The following DTNBP1 variants were observed in gnomAD, a reference collection of about 807,000 sequenced individuals.
The protein encoded by DTNBP1 is dystrobrevin binding protein 1.
In DTNBP1, 35 loss-of-function variants were observed where a neutral mutation model predicts 42.8. The observed-to-expected ratio is 0.82, with a 90% CI of 0.63 to 1.09. DTNBP1 has a LOEUF of 1.09. Among genes scored for constraint, DTNBP1 ranks in the 50% least tolerant of loss-of-function variants. The probability of loss-of-function intolerance (pLI) is 0.00; values close to 1 mark genes in which losing one functional copy is unlikely to be tolerated. For synonymous variants in DTNBP1, 171 were observed against 162.2 expected (o/e 1.05, Z -0.41); for missense variants, 457 against 424.2 (o/e 1.08, Z -0.68).
chr6:15,599,488 A>AG (rs1345110807), intron 6 of DTNBP1, among the ~76,000 whole-genome samples: 6 of 152,312 alleles, frequency 3.9e-5, no homozygotes, highest in African/African-American at 1.4e-4. Flanking sequence ...TAGCCCTAAC[A>AG]GAAAGTTACT....
chr6:15,632,754 G>C (rs1222295361), intron 4 of DTNBP1, among the ~76,000 whole-genome samples: 1 of 152,120 alleles, frequency 6.6e-6, no homozygotes, highest in Non-Finnish European at 1.5e-5. Flanking sequence ...TAATACTTAA[G>C]AGTCAATTGC....
At chr6:15,547,673 A>C (rs751831455) in intron 7 of DTNBP1, among the ~76,000 whole-genome samples, 2 of 152,330 alleles carry the variant, frequency 1.3e-5, no homozygotes, top group Middle Eastern at 3.4e-3. Flanking sequence ...ATAACGGATA[A>C]GCCCCTTAAG....
chr6:15,554,492 A>G (rs534897700), intron 7 of DTNBP1, among the ~76,000 whole-genome samples: 3 of 152,334 alleles, frequency 2.0e-5, no homozygotes, highest in African/African-American at 7.2e-5. Flanking sequence ...AGGTTCATAA[A>G]TCTGGAAAGA....
At chr6:15,642,805 G>GA (rs1180521506) in intron 3 of DTNBP1, among the ~76,000 whole-genome samples, 1 of 151,632 alleles carries the variant, frequency 6.6e-6, no homozygotes, top group Non-Finnish European at 1.5e-5. Flanking sequence ...TACCCTTAAG[G>GA]AAAAAAAAGT....
At chr6:15,630,732 A>G (rs1759647389) in intron 4 of DTNBP1, among the ~76,000 whole-genome samples, 2 of 152,192 alleles carry the variant, frequency 1.3e-5, no homozygotes, top group Non-Finnish European at 2.9e-5. Flanking sequence ...CCTGGCCAAC[A>G]TGGTGAAACT....
intron 9 of DTNBP1, chr6:15,523,459 G>T: frequency 7.7e-7 from 1 of 1,296,880 alleles, no homozygotes; most frequent in Non-Finnish European, 1.0e-6. Context: ...ATGTGACACA[G>T]ATCAAGTGCT....
At chr6:15,635,180 A>G (rs1042620819) in intron 4 of DTNBP1, among the ~76,000 whole-genome samples, 1 of 151,988 alleles carries the variant, frequency 6.6e-6, no homozygotes, top group African/African-American at 2.4e-5. Context: ...GTGCAGTGGC[A>G]TGATCTCGGC....
intron 7 of DTNBP1, among the ~76,000 whole-genome samples, chr6:15,542,520 C>T (rs774181074): frequency 2.6e-5 from 4 of 151,896 alleles, no homozygotes; most frequent in South Asian, 2.1e-4. Flanking sequence ...TACAGGCACA[C>T]GCCACCACAC....
chr6:15,630,291 A>G (rs1411128734), intron 4 of DTNBP1, among the ~76,000 whole-genome samples: 7 of 152,176 alleles, frequency 4.6e-5, no homozygotes, highest in Non-Finnish European at 8.8e-5. Context: ...TAGATGAGAA[A>G]ACTAAGAGAG....
At chr6:15,553,659 G>T (rs989021808) in intron 7 of DTNBP1, among the ~76,000 whole-genome samples, 1 of 111,976 alleles carries the variant, frequency 8.9e-6, no homozygotes, top group Non-Finnish European at 1.7e-5. Flanking sequence ...GCCTATGTAG[G>T]TTCCTTAGAA....
chr6:15,543,459 A>C (rs898752889), intron 7 of DTNBP1, among the ~76,000 whole-genome samples: 3 of 152,188 alleles, frequency 2.0e-5, no homozygotes, highest in Admixed American at 6.5e-5. Flanking sequence ...GCCTTGTGTA[A>C]GCACTACATC....
chr6:15,580,567 G>GA (rs1775783686), intron 7 of DTNBP1, among the ~76,000 whole-genome samples: 1 of 152,108 alleles, frequency 6.6e-6, no homozygotes, highest in Admixed American at 6.6e-5. Context: ...TTCATAAGGG[G>GA]AAAAAACAGG....
At chr6:15,616,506 C>T (rs868208776) in intron 5 of DTNBP1, among the ~76,000 whole-genome samples, 42 of 152,320 alleles carry the variant, frequency 2.8e-4, no homozygotes, top group Admixed American at 9.2e-4. Flanking sequence ...AGGGAAAGCT[C>T]AGCCAGAAAT....
chr6:15,563,092 T>C (rs1774914620), intron 7 of DTNBP1, among the ~76,000 whole-genome samples: 1 of 152,230 alleles, frequency 6.6e-6, no homozygotes, highest in Non-Finnish European at 1.5e-5. Context: ...CTCTTCAGAC[T>C]GGCCATATCC....
At chr6:15,544,970 T>G (rs1178550753) in intron 7 of DTNBP1, among the ~76,000 whole-genome samples, 1 of 152,232 alleles carries the variant, frequency 6.6e-6, no homozygotes, top group East Asian at 1.9e-4. Flanking sequence ...GTTCAGAAAC[T>G]GAGGACTTGT....
intron 6 of DTNBP1, among the ~76,000 whole-genome samples, chr6:15,595,861 A>T (rs143179314): frequency 6.6e-6 from 1 of 152,362 alleles, no homozygotes; most frequent in Non-Finnish European, 1.5e-5. Context: ...CTGAATGAAG[A>T]GAAAGTAATT....
intron 6 of DTNBP1, among the ~76,000 whole-genome samples, chr6:15,613,349 C>G (rs1454420163): frequency 9.0e-6 from 1 of 111,228 alleles, no homozygotes; most frequent in East Asian, 2.9e-4. Context: ...TTTTTTGACA[C>G]GGACCCCATT....
Position 15,546,910 on chromosome 6 carries a change from T to TTTTC in DTNBP1, c.512-13519_512-13516dup, listed in dbSNP as rs951330218. 1.8e-3 allele frequency among the ~76,000 whole-genome samples: 254 copies of TTTTC among 145,034 alleles called. 2 individuals are homozygous for TTTTC. The Middle Eastern group carries it at 0.024, about 14-fold the overall frequency. ...TAAAATGCCGCATGAAATAGCAGCT[T>TTTTC]TTTCTTTCTTTCTTTCTTTTTTTTT... On this transcript the variant is annotated intron_variant, in intron 7 of 9. Transcript: ENST00000344537.
At chr6:15,600,850 TGAGAA>T (rs1310650834) in intron 6 of DTNBP1, among the ~76,000 whole-genome samples, 2 of 152,326 alleles carry the variant, frequency 1.3e-5, no homozygotes, top group African/African-American at 4.8e-5. Context: ...ATGGTGCTGT[TGAGAA>T]GTCCAGGAAT....
Sources: allele counts gnomAD v4.1 joint callset (sites outside exome capture counted in the v4.1 genomes callset), GRCh38; gene constraint gnomAD v4.1.1; transcripts MANE v1.5; gene names NCBI Gene and HGNC (gene_info 2026-07-23, HGNC 2026-07-21).